GABRG1: variants seen among roughly 807,000 people sequenced by gnomAD.
GABRG1 encodes the protein gamma-aminobutyric acid receptor subunit gamma-1.
Under a neutral mutation model 49.8 loss-of-function variants are expected in GABRG1, and 49 were observed. That is an observed-to-expected ratio of 0.98 (90% CI 0.78 to 1.25). The LOEUF (loss-of-function observed/expected upper bound fraction) is 1.25, where lower values mean the gene tolerates loss of function less well. Among genes scored for constraint, GABRG1 ranks in the 50% most tolerant of loss-of-function variants. The pLI is 0.00. For missense variants in GABRG1, 552 were observed against 552.3 expected (o/e 1.00, Z 0.01); for synonymous variants, 232 against 185.1 (o/e 1.25, Z -2.06).
At chr4:46,055,002 G>A (rs1718378039) in intron 7 of GABRG1, among the ~76,000 whole-genome samples, 1 of 95,106 alleles carries the variant, frequency 1.1e-5, no homozygotes. Flanking sequence ...AAAAACCCTA[G>A]AAGAAAACCT....
chr4:46,044,586 A>C (rs945553148), intron 8 of GABRG1, among the ~76,000 whole-genome samples: 3 of 152,156 alleles, frequency 2.0e-5, no homozygotes, highest in African/African-American at 7.2e-5. Flanking sequence ...ACAGATGGAA[A>C]TAGGCCAATG....
rs148376273 is a variant in GABRG1, at chr4:46,059,335, T to C, written c.626-713A>G. Among the ~76,000 whole-genome samples the C allele has an allele frequency of 6.3e-3, 965 of 152,046 alleles. 14 individuals are homozygous for C. Among genetic ancestry groups the C allele is most frequent in the African/African-American group, 0.022 (901 of 41,522 alleles). ...GCTGGGTCATGGGTTACACATAATA[T>C]CAACTTTATGAGGTAGTGCCAATCT... On this transcript the variant is annotated intron_variant, in intron 5 of 8. Coordinates refer to ENST00000295452, the MANE Select transcript of GABRG1 (RefSeq NM_173536.4).
At chr4:46,084,182 T>C (rs1384539996) in intron 2 of GABRG1, 129 bp from the exon 3 acceptor site, 18 of 602,966 alleles carry the variant, frequency 3.0e-5, no homozygotes, top group Non-Finnish European at 5.3e-5. Flanking sequence ...TCTTTTATTA[T>C]GAAATGCAGA....
chr4:46,106,836 G>A (rs976428361), intron 1 of GABRG1, among the ~76,000 whole-genome samples: 5 of 150,950 alleles, frequency 3.3e-5, no homozygotes, highest in African/African-American at 1.2e-4. Flanking sequence ...AAAGAATCAT[G>A]AGTGAGGAAG....
chr4:46,096,130 A>G (rs1242363634), intron 2 of GABRG1, among the ~76,000 whole-genome samples: 1 of 151,870 alleles, frequency 6.6e-6, no homozygotes, highest in African/African-American at 2.4e-5. Context: ...AAAGAGCCTA[A>G]AGACTAAAGC....
At chr4:46,085,746 T>C (rs1459337359) in intron 2 of GABRG1, among the ~76,000 whole-genome samples, 1 of 151,590 alleles carries the variant, frequency 6.6e-6, no homozygotes, top group Non-Finnish European at 1.5e-5. Flanking sequence ...ATTCATACTA[T>C]GAACAATACT....
At chr4:46,088,499 A>G (rs1228565118) in intron 2 of GABRG1, among the ~76,000 whole-genome samples, 2 of 151,942 alleles carry the variant, frequency 1.3e-5, no homozygotes, top group African/African-American at 4.8e-5. Flanking sequence ...CATATCACCA[A>G]TCACAATGTT....
chr4:46,063,713 C>T (rs981616114), intron 5 of GABRG1, among the ~76,000 whole-genome samples: 4 of 152,068 alleles, frequency 2.6e-5, no homozygotes, highest in Middle Eastern at 3.4e-3. Flanking sequence ...TTCTGCACAG[C>T]AAAAGAAACT....
At chr4:46,094,574 G>T (rs563201412) in intron 2 of GABRG1, among the ~76,000 whole-genome samples, 1 of 151,942 alleles carries the variant, frequency 6.6e-6, no homozygotes, top group African/African-American at 2.4e-5. Context: ...GTTCAAAATA[G>T]GTTGTTTCTG....
chr4:46,084,987 G>A (rs1456666718), intron 2 of GABRG1, among the ~76,000 whole-genome samples: 1 of 151,458 alleles, frequency 6.6e-6, no homozygotes, highest in Non-Finnish European at 1.5e-5. Flanking sequence ...AATTAACAAC[G>A]AGACAATAGA....
At position 46,052,762 on chromosome 4, in the gene GABRG1, T is replaced by A. The variant is rs140023845; in HGVS notation, c.917-1124A>T. On this transcript the variant is annotated intron_variant, in intron 7 of 8. Transcript: ENST00000295452. ...TGCTTCTTAATTTGACCAATATTTA[T>A]AGAGTGACAACATTTATGATGAAAA... Among the ~76,000 whole-genome samples, 805 of 152,086 alleles carry A rather than the reference T, an allele frequency of 5.3e-3. 10 individuals are homozygous for A. Among genetic ancestry groups the A allele is most frequent in the African/African-American group, 0.019 (769 of 41,544 alleles).
intron 1 of GABRG1, among the ~76,000 whole-genome samples, chr4:46,118,414 T>A (rs183231411): frequency 6.6e-6 from 1 of 150,814 alleles, no homozygotes; most frequent in Non-Finnish European, 1.5e-5. Context: ...CTGTACCTCC[T>A]CCAGAATTCT....
chr4:46,098,893 C>T (rs2109432423), intron 1 of GABRG1, among the ~76,000 whole-genome samples: 1 of 151,620 alleles, frequency 6.6e-6, no homozygotes, highest in South Asian at 2.1e-4. Context: ...TCACATTGCC[C>T]TCTATTTTGC....
rs1717682374 is a variant in GABRG1, at chr4:46,039,724, CTA to C, written c.*1262_*1263del. On this transcript the variant is annotated 3_prime_UTR_variant, in exon 9 of 9. Coordinates refer to ENST00000295452, the MANE Select transcript of GABRG1 (RefSeq NM_173536.4). ...CTTAACAAAAGAGACATTTTTAAAA[CTA>C]TTAACTGATAGATTTTACATCCAGT... The C allele has an allele frequency of 6.6e-6, 1 of 151,768 alleles. No homozygotes were observed. Among genetic ancestry groups the C allele is most frequent in the South Asian group, 2.1e-4 (1 of 4,830 alleles). The allele number at this position is 151,768 out of a possible 1,614,324, so 9.4% of individuals were successfully genotyped here. A position where few individuals can be genotyped will look rare whatever the true frequency, so the allele number is the denominator to read the frequency against.
chr4:46,040,558 AAAC>A lies in GABRG1; in HGVS notation c.*427_*429del, dbSNP rs1471426259. 6.5e-6 allele frequency: 1 copy of A among 152,840 alleles called. No individual in the cohort carries two copies. The highest frequency in any genetic ancestry group is 1.9e-4 in the East Asian group (1 of 5,208). 9.5% of individuals were successfully genotyped at this position (152,840 alleles called of 1,614,324 possible). On this transcript the variant is annotated 3_prime_UTR_variant, in exon 9 of 9. Coordinates refer to ENST00000295452, the MANE Select transcript of GABRG1 (RefSeq NM_173536.4). ...GGGTAATCAAATGAAAAGCAAGAAA[AAAC>A]AAATTAACAGTCTTTTTTCTGGCAC...
At chr4:46,058,141 T>A in intron 7 of GABRG1, 76 bp downstream of exon 7, 1 of 1,380,656 alleles carries the variant, frequency 7.2e-7, no homozygotes, top group Non-Finnish European at 9.9e-7. Context: ...CTAATAAATG[T>A]GACTATGAAC....
chr4:46,071,489 A>T (rs548991485), intron 3 of GABRG1, among the ~76,000 whole-genome samples: 1 of 150,470 alleles, frequency 6.6e-6, no homozygotes, highest in South Asian at 2.1e-4. Context: ...GTATTTGTAT[A>T]CAATATGTAT....
chr4:46,085,036 A>T (rs952772892), intron 2 of GABRG1, among the ~76,000 whole-genome samples: 3 of 151,628 alleles, frequency 2.0e-5, no homozygotes, highest in Admixed American at 6.6e-5. Flanking sequence ...ATTACCACTT[A>T]TAAGTAGTTA....
intron 1 of GABRG1, among the ~76,000 whole-genome samples, chr4:46,112,090 A>G (rs1456359054): frequency 2.6e-5 from 4 of 151,566 alleles, no homozygotes; most frequent in Non-Finnish European, 5.9e-5. Flanking sequence ...CAAACTGTGC[A>G]TCTGACAAAG....
Sources: gnomAD v4.1 joint callset for allele counts (sites outside exome capture counted in the v4.1 genomes callset) on GRCh38, gnomAD v4.1.1 for gene constraint, MANE v1.5 for transcripts, NCBI Gene and HGNC (gene_info 2026-07-23, HGNC 2026-07-21) for gene names.